ASTN2: variants seen among roughly 807,000 people sequenced by gnomAD.
The protein encoded by ASTN2 is astrotactin-2.
A neutral mutation model predicts 139.8 loss-of-function variants in ASTN2; 54 were observed. That is an observed-to-expected ratio of 0.39 (90% confidence interval 0.31 to 0.48). The LOEUF is 0.48. Ranked by LOEUF, ASTN2 falls within the 20% of genes least tolerant of loss-of-function variation. The pLI, the probability that ASTN2 is intolerant of heterozygous loss-of-function variation, is 0.95. For missense variants in ASTN2, 1,565 were observed against 1,725.1 expected (o/e 0.91, Z 1.64); for synonymous variants, 756 against 719.5 (o/e 1.05, Z -0.81).
At chr9:117,051,555 T>C (rs1238101353) in intron 5 of ASTN2, among the ~76,000 whole-genome samples, 2 of 152,192 alleles carry the variant, frequency 1.3e-5, no homozygotes, top group South Asian at 2.1e-4. Flanking sequence ...AACATATTCC[T>C]GTCCTCAAGA....
At chr9:117,244,125 T>G (rs1218419907) in intron 2 of ASTN2, among the ~76,000 whole-genome samples, 1 of 152,166 alleles carries the variant, frequency 6.6e-6, no homozygotes, top group Admixed American at 6.5e-5. Flanking sequence ...CCTGCCACCA[T>G]GTAAGACGTG....
At chr9:116,739,011 TACACACAC>T (rs35705356) in intron 13 of ASTN2, among the ~76,000 whole-genome samples, 1 of 150,398 alleles carries the variant, frequency 6.6e-6, no homozygotes, top group Non-Finnish European at 1.5e-5. Flanking sequence ...AACATTCACT[TACACACAC>T]ACACACACAC....
At chr9:116,932,682 C>A (rs1037868530) in intron 10 of ASTN2, among the ~76,000 whole-genome samples, 17 of 152,044 alleles carry the variant, frequency 1.1e-4, no homozygotes, top group African/African-American at 4.1e-4. Flanking sequence ...CATGCAGGAG[C>A]CATTCAGTTC....
chr9:116,449,648 A>G (rs1848116405), intron 20 of ASTN2, among the ~76,000 whole-genome samples: 1 of 152,114 alleles, frequency 6.6e-6, no homozygotes, highest in Non-Finnish European at 1.5e-5. Context: ...GAGTGCTTTG[A>G]CCAGTAGAGC....
intron 19 of ASTN2, among the ~76,000 whole-genome samples, chr9:116,596,210 A>G (rs1299727651): frequency 6.6e-6 from 1 of 152,230 alleles, no homozygotes; most frequent in Non-Finnish European, 1.5e-5. Context: ...TTCCACTTAT[A>G]TGAGAGGTAT....
chr9:117,185,117 C>T (rs6478286), intron 3 of ASTN2, among the ~76,000 whole-genome samples: 2,841 of 152,186 alleles, frequency 0.019, 87 homozygotes, highest in African/African-American at 0.065. Flanking sequence ...AAAGCCCTGA[C>T]GTTATAGATT....
chr9:117,016,646 A>ATGT (rs1837704160), intron 6 of ASTN2, among the ~76,000 whole-genome samples: 1 of 102,418 alleles, frequency 9.8e-6, no homozygotes, highest in Non-Finnish European at 1.9e-5. Context: ...ATATATATAT[A>ATGT]TATATATATA....
In ASTN2 at chr9:116,535,241, G is replaced by A. The variant is rs560969953; in HGVS notation, c.3356-47741C>T. ...AGATCTTCCTCCATCCCTTTATTTT[G>A]AGCCTATGTGTGTCTCTGCACATGA... On this transcript the variant is annotated intron_variant, in intron 19 of 22. Transcript: ENST00000313400. Among the ~76,000 whole-genome samples the A allele has an allele frequency of 2.0e-5, 3 of 151,924 alleles. No individual in the cohort carries two copies. In the East Asian group the frequency reaches 5.8e-4, roughly 29 times the overall value.
At chr9:116,838,569 G>T (rs12235404) in intron 11 of ASTN2, among the ~76,000 whole-genome samples, 1 of 148,798 alleles carries the variant, frequency 6.7e-6, no homozygotes, top group Non-Finnish European at 1.5e-5. Flanking sequence ...AATTACAGGC[G>T]TGTGCTACCA....
At chr9:116,482,568 T>C (rs1392943282) in intron 20 of ASTN2, among the ~76,000 whole-genome samples, 1 of 152,034 alleles carries the variant, frequency 6.6e-6, no homozygotes, top group Non-Finnish European at 1.5e-5. Context: ...AACCTTTCCA[T>C]GTCACAAATA....
chr9:116,952,689 G>A (rs938736835), intron 10 of ASTN2, among the ~76,000 whole-genome samples: 2 of 152,176 alleles, frequency 1.3e-5, no homozygotes, highest in Non-Finnish European at 2.9e-5. Flanking sequence ...ATCATGTTAA[G>A]CTGCCCATTC....
intron 17 of ASTN2, among the ~76,000 whole-genome samples, chr9:116,629,952 C>T (rs564840116): frequency 6.6e-6 from 1 of 152,292 alleles, no homozygotes; most frequent in Non-Finnish European, 1.5e-5. Context: ...ATATGATCCT[C>T]AGGCAAGGAG....
chr9:116,862,407 A>G (rs1412917347), intron 11 of ASTN2, among the ~76,000 whole-genome samples: 1 of 152,206 alleles, frequency 6.6e-6, no homozygotes, highest in African/African-American at 2.4e-5. Flanking sequence ...AGTCTGTGCT[A>G]TAACGTGTCA....
chr9:116,769,672 G>T (rs1441938381), intron 13 of ASTN2, among the ~76,000 whole-genome samples: 2 of 152,192 alleles, frequency 1.3e-5, no homozygotes, highest in African/African-American at 4.8e-5. Context: ...AAGAATATAT[G>T]TGTATGTGGC....
chr9:117,130,556 CG>C (rs899064221), intron 4 of ASTN2, among the ~76,000 whole-genome samples: 1 of 152,070 alleles, frequency 6.6e-6, no homozygotes, highest in African/African-American at 2.4e-5. Context: ...TCCTTAAGCC[CG>C]GGGGGCTTCC....
intron 10 of ASTN2, among the ~76,000 whole-genome samples, chr9:116,951,183 C>A (rs905976237): frequency 2.0e-5 from 3 of 151,540 alleles, no homozygotes; most frequent in Non-Finnish European, 2.9e-5. Flanking sequence ...ACTAAAAATA[C>A]AAAATTAGCT....
chr9:117,150,854 G>T lies in ASTN2; in HGVS notation c.1016-9376C>A, dbSNP rs936882041. Among the ~76,000 whole-genome samples, 3 of 151,940 alleles carry T rather than the reference G, an allele frequency of 2.0e-5. No individual in the cohort carries two copies. The East Asian group carries it at 5.8e-4, about 29-fold the overall frequency. Reference sequence around the variant, plus strand: ...TGGGACTATAGGTGCATATCACCACGCCTGGATAATTTTGTTTTTAAAATT... The same window carrying T: ...TGGGACTATAGGTGCATATCACCACTCCTGGATAATTTTGTTTTTAAAATT... On this transcript the variant is annotated intron_variant, in intron 3 of 22. Coordinates refer to ENST00000313400, the MANE Select transcript of ASTN2 (RefSeq NM_001365068.1).
intron 10 of ASTN2, among the ~76,000 whole-genome samples, chr9:116,899,241 A>C (rs1358417457): frequency 1.3e-5 from 2 of 152,116 alleles, no homozygotes; most frequent in African/African-American, 4.8e-5. Flanking sequence ...CATACCATAC[A>C]CCTGAGTTAG....
At chr9:116,993,927 C>T (rs936746250) in intron 7 of ASTN2, among the ~76,000 whole-genome samples, 17 of 148,958 alleles carry the variant, frequency 1.1e-4, no homozygotes, top group African/African-American at 2.9e-4. Flanking sequence ...TCCCCTGCCC[C>T]GCAAGAATGT....
Sources: allele counts gnomAD v4.1 joint callset (sites outside exome capture counted in the v4.1 genomes callset), GRCh38; gene constraint gnomAD v4.1.1; transcripts MANE v1.5; gene names NCBI Gene and HGNC (gene_info 2026-07-23, HGNC 2026-07-21).